Variants in KLHL9 observed in about 807,000 individuals in gnomAD.
KLHL9 encodes kelch-like protein 9.
KLHL9 carries 27 observed loss-of-function variants against 42.3 expected under a neutral mutation model. That is an observed-to-expected ratio of 0.64 (90% confidence interval 0.47 to 0.88). The LOEUF (loss-of-function observed/expected upper bound fraction) is 0.88. Among genes scored for constraint, KLHL9 ranks in the 40% least tolerant of loss-of-function variants. The pLI, the probability that KLHL9 is intolerant of heterozygous loss-of-function variation, is 0.00. For missense variants in KLHL9, 629 were observed against 750.3 expected (o/e 0.84, Z 1.89); for synonymous variants, 274 against 254.4 (o/e 1.08, Z -0.73).
In KLHL9 at chr9:21,332,890, G is replaced by C; in HGVS notation, c.*116C>G. ...AAACATACTAAAAGCCATACAAGAC[G>C]AATAACATCAGTTACCTTTATATCT... On this transcript the variant is annotated 3_prime_UTR_variant, in exon 1 of 1. Coordinates refer to ENST00000359039, the MANE Select transcript of KLHL9 (RefSeq NM_018847.4). 1 of 1,469,986 alleles carries C rather than the reference G, an allele frequency of 6.8e-7. No individual in the cohort carries two copies. Among genetic ancestry groups the C allele is most frequent in the Non-Finnish European group, 9.2e-7 (1 of 1,090,822 alleles). The allele number at this position is 1,469,986 out of a possible 1,614,324, so 91.1% of individuals were successfully genotyped here.
Position 21,334,293 on chromosome 9 carries a change from C to T in KLHL9, c.567G>A (p.Glu189=). Residue 189 remains glutamate, a synonymous_variant, in exon 1 of 1, where the codon GAG becomes GAA. Coordinates refer to ENST00000359039, the MANE Select transcript of KLHL9 (RefSeq NM_018847.4). This position sits in a 1 kb window ranked among gnomAD's most constrained non-coding sequence, Gnocchi z 5.1. ...KNFPALLSTG[E]FLKLPFERLA... is the part of the protein sequence containing the mutation. ...GTCGTTCAAAAGGGAGTTTTAGAAA[C>T]TCCCCAGTACTCAATAAAGCAGGAA... 1 of 1,614,076 alleles carries T rather than the reference C, an allele frequency of 6.2e-7. No individual in the cohort carries two copies. The highest frequency in any genetic ancestry group is 8.5e-7 in the Non-Finnish European group (1 of 1,179,970).
Position 21,330,357 on chromosome 9 carries a change from G to T in KLHL9, c.*2649C>A, listed in dbSNP as rs953709496. 3 of 152,170 alleles carry T rather than the reference G, an allele frequency of 2.0e-5. No homozygotes were observed. Among genetic ancestry groups the T allele is most frequent in the African/African-American group, 7.2e-5 (3 of 41,428 alleles). The allele number at this position is 152,170 out of a possible 1,614,324, so 9.4% of individuals were successfully genotyped here. A position where few individuals can be genotyped will look rare whatever the true frequency, so the allele number is the denominator to read the frequency against. On this transcript the variant is annotated 3_prime_UTR_variant, in exon 1 of 1. Transcript: ENST00000359039. Reference sequence around the variant, plus strand: ...CTCTGGTGTGGAATTTTCTACTTGTGGCATCCTGTTGGCCCTCAAAAAGTT... The same window carrying T: ...CTCTGGTGTGGAATTTTCTACTTGTTGCATCCTGTTGGCCCTCAAAAAGTT...
chr9:21,335,355 A>C lies in KLHL9; in HGVS notation c.-496T>G, dbSNP rs1446230407. 4.8e-6 allele frequency: 2 copies of C among 419,420 alleles called. No homozygotes were observed. The highest frequency in any genetic ancestry group is 2.0e-5 in the African/African-American group (1 of 48,826). 26.0% of individuals were successfully genotyped at this position (419,420 alleles called of 1,614,324 possible). On this transcript the variant is annotated 5_prime_UTR_variant, in exon 1 of 1. Coordinates refer to ENST00000359039, the MANE Select transcript of KLHL9 (RefSeq NM_018847.4). Reference sequence around the variant, plus strand: ...GGGCTTGGGCCTAGAATACCGGCCTAGCCCCAACACCGAGCCGCTCCTTCC... The same window carrying C: ...GGGCTTGGGCCTAGAATACCGGCCTCGCCCCAACACCGAGCCGCTCCTTCC...
rs1820222684 is a variant in KLHL9 at position 21,334,082 on chromosome 9, T to C, written c.778A>G (p.Met260Val). ...LINYVQTVDF[M>V]RTDNTCVNLL... The stretch of plus-strand genomic sequence containing the variant: ...TTCACGCAGGTATTGTCTGTTCTCA[T>C]GAAATCTACTGTCTGCACGTAATTG... Residue 260 changes from methionine (M) to valine (V), a missense_variant, in exon 1 of 1, where the codon ATG becomes GTG. By Grantham distance (21) the Met-to-Val change is conservative (BLOSUM62 1). Coordinates refer to ENST00000359039, the MANE Select transcript of KLHL9 (RefSeq NM_018847.4). The surrounding 1 kb of genome is among the most constrained non-coding windows in gnomAD (Gnocchi z 5.1). The C allele has an allele frequency of 6.2e-7, 1 of 1,614,232 alleles. No homozygotes were observed. The highest frequency in any genetic ancestry group is 8.5e-7 in the Non-Finnish European group (1 of 1,180,030).
At position 21,334,095 on chromosome 9, in the gene KLHL9, C is replaced by T; in HGVS notation, c.765G>A (p.Gln255=). ...TGTCTGTTCTCATGAAATCTACTGT[C>T]TGCACGTAATTGATGAGATCCTGTG... ...MTPQDLINYV[Q]TVDFMRTDNT... Residue 255 remains glutamine, a synonymous_variant, in exon 1 of 1, where the codon CAG becomes CAA. Coordinates refer to ENST00000359039, the MANE Select transcript of KLHL9 (RefSeq NM_018847.4). The surrounding 1 kb of genome is among the most constrained non-coding windows in gnomAD (Gnocchi z 5.1). 3 of 1,614,224 alleles carry T rather than the reference C, an allele frequency of 1.9e-6. No individual in the cohort carries two copies. Among genetic ancestry groups the T allele is most frequent in the Non-Finnish European group, 2.5e-6 (3 of 1,180,038 alleles).
In KLHL9 at chr9:21,332,821, C is replaced by G; in HGVS notation, c.*185G>C. On this transcript the variant is annotated 3_prime_UTR_variant, in exon 1 of 1. Coordinates refer to ENST00000359039, the MANE Select transcript of KLHL9 (RefSeq NM_018847.4). ...GTCTTTTTTTCATTTGTTAAAACAGCTATGTTAAATACATTTTCAGAATGC... is the reference window on the plus strand; with the variant it reads ...GTCTTTTTTTCATTTGTTAAAACAGGTATGTTAAATACATTTTCAGAATGC... The G allele has an allele frequency of 1.2e-6, 1 of 820,710 alleles. No homozygotes were observed. Among genetic ancestry groups the G allele is most frequent in the Non-Finnish European group, 1.8e-6 (1 of 562,664 alleles). 50.8% of individuals were successfully genotyped at this position (820,710 alleles called of 1,614,324 possible). A position where few individuals can be genotyped will look rare whatever the true frequency, so the allele number is the denominator to read the frequency against.
Position 21,331,487 on chromosome 9 carries a change from TA to T in KLHL9, c.*1518del, listed in dbSNP as rs1467464186. 2.2e-5 allele frequency: 1 copy of T among 44,584 alleles called. No homozygotes were observed. Among genetic ancestry groups the T allele is most frequent in the Admixed American group, 2.9e-4 (1 of 3,478 alleles). The allele number at this position is 44,584 out of a possible 1,614,324, so 2.8% of individuals were successfully genotyped here. A position where few individuals can be genotyped will look rare whatever the true frequency, so the allele number is the denominator to read the frequency against. Reference sequence around the variant, plus strand: ...TTACATGCTGACAATCTTCCAGGTATAGGGGGTTGTGTGTGTGTATTACACA... The same window carrying T: ...TTACATGCTGACAATCTTCCAGGTATGGGGGTTGTGTGTGTGTATTACACA... On this transcript the variant is annotated 3_prime_UTR_variant, in exon 1 of 1. Transcript: ENST00000359039.
At position 21,331,293 on chromosome 9, in the gene KLHL9, AAAC is replaced by A. The variant is rs1820166034; in HGVS notation, c.*1710_*1712del. ...GTAATAAAAAACTGAGTAATTAAAA[AAAC>A]ATAGAAAGTATGAAAATTTCTGCCA... On this transcript the variant is annotated 3_prime_UTR_variant, in exon 1 of 1. Coordinates refer to ENST00000359039, the MANE Select transcript of KLHL9 (RefSeq NM_018847.4). 1 of 152,644 alleles carries A rather than the reference AAAC, an allele frequency of 6.6e-6. No homozygotes were observed. Among genetic ancestry groups the A allele is most frequent in the South Asian group, 2.1e-4 (1 of 4,836 alleles). The allele number at this position is 152,644 out of a possible 1,614,324, so 9.5% of individuals were successfully genotyped here. A position where few individuals can be genotyped will look rare whatever the true frequency, so the allele number is the denominator to read the frequency against.
chr9:21,334,509 AAGAG>A lies in KLHL9; in HGVS notation c.347_350del (p.Ser116LeufsTer51). The A allele has an allele frequency of 6.2e-7, 1 of 1,614,134 alleles. No homozygotes were observed. Among genetic ancestry groups the A allele is most frequent in the Non-Finnish European group, 8.5e-7 (1 of 1,180,010 alleles). On this transcript the variant is annotated frameshift_variant, in exon 1 of 1. Coordinates refer to ENST00000359039, the MANE Select transcript of KLHL9 (RefSeq NM_018847.4). LOFTEE classifies it high-confidence loss of function. The surrounding 1 kb of genome is among the most constrained non-coding windows in gnomAD (Gnocchi z 5.1). ...GTGTGTCCTGAAGATTGTCCATATTAAGAGAAAGTTTTGCAGTATAAATAAAATC... is the reference window on the plus strand; with the variant it reads ...GTGTGTCCTGAAGATTGTCCATATTAAAAGTTTTGCAGTATAAATAAAATC...
In KLHL9 at chr9:21,333,839, C is replaced by G; in HGVS notation, c.1021G>C (p.Gly341Arg). Residue 341 changes from glycine (G) to arginine (R), a missense_variant, in exon 1 of 1, where the codon GGT (glycine) becomes CGT (arginine). Coordinates refer to ENST00000359039, the MANE Select transcript of KLHL9 (RefSeq NM_018847.4). This position sits in a 1 kb window ranked among gnomAD's most constrained non-coding sequence, Gnocchi z 7.5. ...APMDAPRYQHGIAVIGNFLYV... is the reference protein window; with the variant it reads ...APMDAPRYQHRIAVIGNFLYV... ...AGAAAGTTTCCAATGACAGCAATAC[C>G]ATGCTGGTAACGGGGAGCATCCATT... The G allele has an allele frequency of 6.2e-7, 1 of 1,613,926 alleles. No homozygotes were observed. Among genetic ancestry groups the G allele is most frequent in the Non-Finnish European group, 8.5e-7 (1 of 1,180,010 alleles).
At position 21,334,697 on chromosome 9, in the gene KLHL9, C is replaced by G; in HGVS notation, c.163G>C (p.Val55Leu). The change falls in exon 1 of 1, where the codon GTA becomes CTA. Residue 55 changes from valine to leucine, a missense_variant. Physicochemically the swap from Val to Leu is conservative, Grantham distance 32. Coordinates refer to ENST00000359039, the MANE Select transcript of KLHL9 (RefSeq NM_018847.4). The surrounding 1 kb of genome is among the most constrained non-coding windows in gnomAD (Gnocchi z 5.1). ...AAGATTTCATCTCCATCACCTGGTA[C>G]CAGGGTCACATCACAAAGCAATCCT... ...IEGLLCDVTL[V>L]PGDGDEIFPV... is the part of the protein sequence containing the mutation. The G allele has an allele frequency of 6.2e-7, 1 of 1,613,992 alleles. No individual in the cohort carries two copies.
Position 21,334,484 on chromosome 9 carries a change from G to A in KLHL9, c.376C>T (p.Leu126Phe). 6.2e-7 allele frequency: 1 copy of A among 1,613,986 alleles called. No homozygotes were observed. Among genetic ancestry groups the A allele is most frequent in the Non-Finnish European group, 8.5e-7 (1 of 1,179,896 alleles). Reference sequence around the variant, plus strand: ...ATTTGTAAAAAGCTAGCAGCTTCAAGTGTGTCCTGAAGATTGTCCATATTA... The same window carrying A: ...ATTTGTAAAAAGCTAGCAGCTTCAAATGTGTCCTGAAGATTGTCCATATTA... ...SLNMDNLQDT[L>F]EAASFLQILP... The change falls in exon 1 of 1, where the codon CTT (leucine) becomes TTT (phenylalanine). Residue 126 changes from leucine (L) to phenylalanine (F), a missense_variant. Leu to Phe is a conservative substitution (Grantham distance 22). Transcript: ENST00000359039. This position sits in a 1 kb window ranked among gnomAD's most constrained non-coding sequence, Gnocchi z 5.1.
rs1054317273 is a variant in KLHL9 at position 21,331,447 on chromosome 9, A to G, written c.*1559T>C. 17 of 152,468 alleles carry G rather than the reference A, an allele frequency of 1.1e-4. No homozygotes were observed. Among genetic ancestry groups the G allele is most frequent in the African/African-American group, 3.4e-4 (14 of 41,490 alleles). 9.4% of individuals were successfully genotyped at this position (152,468 alleles called of 1,614,324 possible). A position where few individuals can be genotyped will look rare whatever the true frequency, so the allele number is the denominator to read the frequency against. ...TTATTATGGGATTGTCAATAAGGAG[A>G]AAGTTGTTCCTGATTTACATGCTGA... On this transcript the variant is annotated 3_prime_UTR_variant, in exon 1 of 1. Transcript: ENST00000359039.
rs530304630 is a variant in KLHL9 at position 21,333,748 on chromosome 9, C to G, written c.1112G>C (p.Arg371Thr). 3 of 1,614,174 alleles carry G rather than the reference C, an allele frequency of 1.9e-6. No homozygotes were observed. Among genetic ancestry groups the G allele is most frequent in the East Asian group, 2.2e-5 (1 of 44,888 alleles). ...KGKTAVDTVFRFDPRYNKWMQ... is the reference protein window; with the variant it reads ...KGKTAVDTVFTFDPRYNKWMQ... The stretch of plus-strand genomic sequence containing the variant: ...CCATTTATTATACCGAGGATCAAAT[C>G]TGAAAACTGTATCAACAGCAGTTTT... The change falls in exon 1 of 1, where the codon AGA becomes ACA. Residue 371 changes from arginine (R) to threonine (T), a missense_variant. By Grantham distance (71) the Arg-to-Thr change is moderately conservative. Coordinates refer to ENST00000359039, the MANE Select transcript of KLHL9 (RefSeq NM_018847.4). This position sits in a 1 kb window ranked among gnomAD's most constrained non-coding sequence, Gnocchi z 7.5.
chr9:21,333,716 C>T lies in KLHL9; in HGVS notation c.1144G>A (p.Val382Ile). ...FDPRYNKWMQ[V>I]ASLNEKRTFF... ...GTGCGCTTTTCATTTAATGATGCAACCTGCATCCATTTATTATACCGAGGA... is the reference window on the plus strand; with the variant it reads ...GTGCGCTTTTCATTTAATGATGCAATCTGCATCCATTTATTATACCGAGGA... Residue 382 changes from valine to isoleucine, a missense_variant, in exon 1 of 1, where the codon GTT (valine) becomes ATT (isoleucine). Coordinates refer to ENST00000359039, the MANE Select transcript of KLHL9 (RefSeq NM_018847.4). This position sits in a 1 kb window ranked among gnomAD's most constrained non-coding sequence, Gnocchi z 7.5. 1 of 1,614,160 alleles carries T rather than the reference C, an allele frequency of 6.2e-7. No homozygotes were observed. Among genetic ancestry groups the T allele is most frequent in the African/African-American group, 1.3e-5 (1 of 75,044 alleles).
In KLHL9 at chr9:21,333,393, A is replaced by G; in HGVS notation, c.1467T>C (p.Cys489=). 6.2e-7 allele frequency: 1 copy of G among 1,614,244 alleles called. No homozygotes were observed. The highest frequency in any genetic ancestry group is 8.5e-7 in the Non-Finnish European group (1 of 1,180,040). ...TGACATAGAGCTTATCTCCAACTGT[A>G]CACATGCAATGCAGACCTCTGACTG... ...MTTVRGLHCM[C]TVGDKLYVIG... Residue 489 remains cysteine, a synonymous_variant, in exon 1 of 1, where the codon TGT becomes TGC. Coordinates refer to ENST00000359039, the MANE Select transcript of KLHL9 (RefSeq NM_018847.4). The surrounding 1 kb of genome is among the most constrained non-coding windows in gnomAD (Gnocchi z 7.5).
In KLHL9 at chr9:21,333,935, G is replaced by A; in HGVS notation, c.925C>T (p.Gln309Ter). 6.2e-7 allele frequency: 1 copy of A among 1,614,148 alleles called. No individual in the cohort carries two copies. Among genetic ancestry groups the A allele is most frequent in the Non-Finnish European group, 8.5e-7 (1 of 1,180,044 alleles). Residue 309 changes from glutamine to a stop codon, truncating the protein, a stop_gained, in exon 1 of 1, where the codon CAG (glutamine) becomes TAG (stop). Transcript: ENST00000359039. LOFTEE classifies it high-confidence loss of function. The surrounding 1 kb of genome is among the most constrained non-coding windows in gnomAD (Gnocchi z 7.5). ...AATTCTTTACTGACAACCAGCTGCT[G>A]CCTCAAAACTCCTCCTAATGTAACC... is the stretch of plus-strand genomic sequence containing the variant. The part of the protein sequence containing the change: ...HLVTLGGVLR[Q>*]QLVVSKELRM...
At position 21,330,234 on chromosome 9, in the gene KLHL9, G is replaced by A. The variant is rs886551397; in HGVS notation, c.*2772C>T. 3 of 152,116 alleles carry A rather than the reference G, an allele frequency of 2.0e-5. No homozygotes were observed. Among genetic ancestry groups the A allele is most frequent in the South Asian group, 2.1e-4 (1 of 4,824 alleles). The allele number at this position is 152,116 out of a possible 1,614,324, so 9.4% of individuals were successfully genotyped here. On this transcript the variant is annotated 3_prime_UTR_variant, in exon 1 of 1. Coordinates refer to ENST00000359039, the MANE Select transcript of KLHL9 (RefSeq NM_018847.4). ...ACTTAAAACTTCGGTTATATTTCACGTTTCAGACACGTAGTCTGAAGGTAA... is the reference window on the plus strand; with the variant it reads ...ACTTAAAACTTCGGTTATATTTCACATTTCAGACACGTAGTCTGAAGGTAA...
At position 21,332,113 on chromosome 9, in the gene KLHL9, T is replaced by C. The variant is rs373483274; in HGVS notation, c.*893A>G. On this transcript the variant is annotated 3_prime_UTR_variant, in exon 1 of 1. Transcript: ENST00000359039. ...TGAACTTTACCAATCTGTGTAAAAG[T>C]ACTCTACAGAAAATACACAAGCAGA... The C allele has an allele frequency of 1.6e-4, 24 of 152,636 alleles. No homozygotes were observed. The East Asian group carries it at 1.7e-3, about 11-fold the overall frequency. 9.5% of individuals were successfully genotyped at this position (152,636 alleles called of 1,614,324 possible).
Sources: allele counts gnomAD v4.1 joint callset, GRCh38; gene constraint gnomAD v4.1.1; non-coding constraint Gnocchi (gnomAD v3.1); transcripts MANE v1.5; gene names NCBI Gene and HGNC (gene_info 2026-07-23, HGNC 2026-07-21).